HIVEP2: variants seen among roughly 807,000 people sequenced by gnomAD.
HIVEP2 encodes the protein HIVEP zinc finger 2.
HIVEP2 carries 14 observed loss-of-function variants against 180.7 expected under a neutral mutation model. The observed-to-expected ratio is 0.08, with a 90% CI of 0.05 to 0.12. HIVEP2 has a LOEUF of 0.12. Among genes scored for constraint, HIVEP2 ranks in the 10% least tolerant of loss-of-function variants. The pLI is 1.00. For missense variants in HIVEP2, 2,579 were observed against 3,008.5 expected, an observed-to-expected ratio of 0.86 and a Z score of 3.34; for synonymous variants, 1,184 against 1,136.4, an observed-to-expected ratio of 1.04 and a Z score of -0.84.
intron 8 of HIVEP2, 60 bp downstream of exon 8, chr6:142,761,404 G>T: frequency 1.3e-6 from 1 of 786,568 alleles, no homozygotes; most frequent in Non-Finnish European, 2.2e-6. Flanking sequence ...TACTACCTCA[G>T]CCACAGAGCT....
At chr6:142,796,096 T>C (rs1168890453) in intron 2 of HIVEP2, among the ~76,000 whole-genome samples, 2 of 152,164 alleles carry the variant, frequency 1.3e-5, no homozygotes, top group Non-Finnish European at 2.9e-5. Context: ...TCATTGATAC[T>C]AATGAACAAA....
intron 2 of HIVEP2, among the ~76,000 whole-genome samples, chr6:142,790,476 C>T (rs978184546): frequency 6.6e-6 from 1 of 151,630 alleles, no homozygotes; most frequent in Non-Finnish European, 1.5e-5. Context: ...GGGATAAAAG[C>T]AAAAAAGGTG....
At chr6:142,858,661 G>A (rs970403598) in intron 1 of HIVEP2, among the ~76,000 whole-genome samples, 9 of 151,718 alleles carry the variant, frequency 5.9e-5, no homozygotes, top group African/African-American at 9.7e-5. Flanking sequence ...ACACGATCTC[G>A]GCTCACTGCA....
At chr6:142,866,495 A>T (rs1776142129) in intron 1 of HIVEP2, among the ~76,000 whole-genome samples, 1 of 150,986 alleles carries the variant, frequency 6.6e-6, no homozygotes, top group Non-Finnish European at 1.5e-5. Flanking sequence ...TTGTAGCGTT[A>T]GGTCAGTGCT....
intron 1 of HIVEP2, among the ~76,000 whole-genome samples, chr6:142,844,478 G>T (rs1775455237): frequency 6.6e-6 from 1 of 152,152 alleles, no homozygotes; most frequent in Admixed American, 6.5e-5. Context: ...TAAGCATTAA[G>T]AAATGGTACT....
intron 2 of HIVEP2, among the ~76,000 whole-genome samples, chr6:142,816,268 C>T (rs914714445): frequency 6.6e-6 from 1 of 152,196 alleles, no homozygotes; most frequent in Non-Finnish European, 1.5e-5. Context: ...GGTCATGCAT[C>T]TCACGAGAGC....
intron 2 of HIVEP2, among the ~76,000 whole-genome samples, chr6:142,822,968 C>T (rs1190701575): frequency 6.6e-6 from 1 of 152,206 alleles, no homozygotes; most frequent in East Asian, 1.9e-4. Flanking sequence ...CCTGCTCACA[C>T]AGGACCTCCA....
chr6:142,910,406 T>A (rs1208390253), intron 1 of HIVEP2, among the ~76,000 whole-genome samples: 1 of 152,046 alleles, frequency 6.6e-6, no homozygotes, highest in African/African-American at 2.4e-5. Flanking sequence ...ATTGAGACCA[T>A]CCTGGCCAAC....
In HIVEP2 at chr6:142,753,540, C is replaced by T. The variant is rs1371941401; in HGVS notation, c.6908G>A (p.Arg2303Gln). 2 of 1,614,138 alleles carry T rather than the reference C, an allele frequency of 1.2e-6. No individual in the cohort carries two copies. The highest frequency in any genetic ancestry group is 1.1e-5 in the South Asian group (1 of 91,082). The change falls in exon 10 of 10, where the codon CGG becomes CAG. Residue 2303 changes from arginine (R) to glutamine (Q), a missense_variant. Around this residue, in one of 11 missense-constraint regions of HIVEP2, gnomAD observed 660 missense variants for 731.7 expected, o/e 0.90. Transcript: ENST00000367603. ...SGPPSTPSSPRLLMKQSTSED... is the reference protein window; with the variant it reads ...SGPPSTPSSPQLLMKQSTSED... ...CGAAGTGCTCTGTTTCATCAACAGC[C>T]GAGGAGAGGAGGGAGTGCTAGGTGG...
chr6:142,807,916 G>A (rs1235835428), intron 2 of HIVEP2, among the ~76,000 whole-genome samples: 1 of 152,152 alleles, frequency 6.6e-6, no homozygotes, highest in Non-Finnish European at 1.5e-5. Flanking sequence ...CCTACCTCCA[G>A]GCTCTTCCTC....
At chr6:142,909,759 T>C (rs1777357308) in intron 1 of HIVEP2, among the ~76,000 whole-genome samples, 1 of 152,170 alleles carries the variant, frequency 6.6e-6, no homozygotes. Context: ...AACAGTATCA[T>C]ATGGGGCAGG....
At chr6:142,762,844 A>G (rs13197485) in intron 7 of HIVEP2, among the ~76,000 whole-genome samples, 4,995 of 152,302 alleles carry the variant, frequency 0.033, 100 homozygotes, top group Middle Eastern at 0.15. Flanking sequence ...TGTTTTGAAT[A>G]ATTCCAAACA....
rs1339499238 is a variant in HIVEP2, at chr6:142,764,649, C to T, written c.5518+150G>A. 7 of 674,582 alleles carry T rather than the reference C, an allele frequency of 1.0e-5. No homozygotes were observed. The East Asian group carries it at 1.9e-4, about 18-fold the overall frequency. 41.8% of individuals were successfully genotyped at this position (674,582 alleles called of 1,614,324 possible). ...CAGTCTCACATACATCCTTTGATCA[C>T]TTACTTGAGGGAGAAAATATATTTC... is the stretch of plus-strand genomic sequence containing the variant. On this transcript the variant is annotated intron_variant, in intron 7 of 9. Transcript: ENST00000367603.
rs1446839495 is a variant in HIVEP2, at chr6:142,774,623, A to C, written c.116T>G (p.Phe39Cys). 2 of 1,614,182 alleles carry C rather than the reference A, an allele frequency of 1.2e-6. No individual in the cohort carries two copies. The highest frequency in any genetic ancestry group is 1.7e-6 in the Non-Finnish European group (2 of 1,180,036). ...TTGCCGCTGTCCTTCATGACTGCCA[A>C]AAGTGCTCATCTTAATAACAGCTGA... ...EQSAVIKMSTFGSHEGQRQPQ... is the reference protein window; with the variant it reads ...EQSAVIKMSTCGSHEGQRQPQ... Residue 39 changes from phenylalanine to cysteine, a missense_variant, in exon 5 of 10, where the codon TTT (phenylalanine) becomes TGT (cysteine). Around this residue, in one of 11 missense-constraint regions of HIVEP2, gnomAD observed 207 missense variants for 210.1 expected, o/e 0.99. Transcript: ENST00000367603. This position sits in a 1 kb window ranked among gnomAD's most constrained non-coding sequence, Gnocchi z 5.1.
chr6:142,851,198 A>G (rs2114925102), intron 1 of HIVEP2, among the ~76,000 whole-genome samples: 1 of 152,348 alleles, frequency 6.6e-6, no homozygotes, highest in Admixed American at 6.5e-5. Flanking sequence ...TGGAATCAAT[A>G]AGGCCTAGTA....
intron 2 of HIVEP2, among the ~76,000 whole-genome samples, chr6:142,798,278 A>G (rs905396422): frequency 4.6e-5 from 7 of 151,724 alleles, no homozygotes; most frequent in African/African-American, 9.7e-5. Context: ...CAAAAAAAAA[A>G]GAAAAGAAAA....
chr6:142,919,408 T>C (rs1456466254), intron 1 of HIVEP2, among the ~76,000 whole-genome samples: 1 of 152,210 alleles, frequency 6.6e-6, no homozygotes, highest in African/African-American at 2.4e-5. Context: ...AATCCTATTA[T>C]ATTCTTATTG....
rs559077858 is a variant in HIVEP2, at chr6:142,861,533, A to C, written c.-640-24486T>G. 2.2e-4 allele frequency among the ~76,000 whole-genome samples: 33 copies of C among 152,344 alleles called. No homozygotes were observed. The South Asian group carries it at 2.5e-3, about 11-fold the overall frequency. On this transcript the variant is annotated intron_variant, in intron 1 of 9. Coordinates refer to ENST00000367603, the MANE Select transcript of HIVEP2 (RefSeq NM_006734.4). ...TACAGTAGAATAGCACCATATACTAACAGAATTTATTTTAAACCCACATAC... is the reference window on the plus strand; with the variant it reads ...TACAGTAGAATAGCACCATATACTACCAGAATTTATTTTAAACCCACATAC...
At chr6:142,761,037 T>C (rs942148244) in intron 8 of HIVEP2, among the ~76,000 whole-genome samples, 9 of 152,186 alleles carry the variant, frequency 5.9e-5, no homozygotes, top group African/African-American at 2.2e-4. Context: ...TATGTCTAAG[T>C]GATGTAACTC....
Sources: allele counts gnomAD v4.1 joint callset (sites outside exome capture counted in the v4.1 genomes callset), GRCh38; gene constraint gnomAD v4.1.1; regional missense constraint gnomAD v4.1.1; non-coding constraint Gnocchi (gnomAD v3.1); transcripts MANE v1.5; gene names NCBI Gene and HGNC (gene_info 2026-07-23, HGNC 2026-07-21).